The following ZFHX4 variants were observed in gnomAD, a reference collection of about 807,000 sequenced individuals.
The protein encoded by ZFHX4 is zinc finger homeobox protein 4.
In ZFHX4, 56 loss-of-function variants were observed where a neutral mutation model predicts 267.6. The observed-to-expected ratio is 0.21, with a 90% CI of 0.17 to 0.26. ZFHX4 has a LOEUF of 0.26. Ranked by LOEUF, ZFHX4 falls within the 10% of genes least tolerant of loss-of-function variation. The probability of loss-of-function intolerance (pLI) is 1.00; values close to 1 mark genes in which losing one functional copy is unlikely to be tolerated. For synonymous variants in ZFHX4, 1,778 were observed against 1,665.6 expected (o/e 1.07, Z -1.64); for missense variants, 4,332 against 4,420.0 (o/e 0.98, Z 0.56).
Position 76,707,962 on chromosome 8 carries a change from G to C in ZFHX4, c.3007G>C (p.Ala1003Pro), listed in dbSNP as rs369411377. 1.4e-5 allele frequency: 23 copies of C among 1,613,838 alleles called. No homozygotes were observed. Among genetic ancestry groups the C allele is most frequent in the Non-Finnish European group, 1.9e-5 (23 of 1,179,928 alleles). The change falls in exon 3 of 11, where the codon GCC becomes CCC. Residue 1003 changes from alanine to proline, a missense_variant. Around this residue, in one of 7 missense-constraint regions of ZFHX4, gnomAD observed 1,371 missense variants for 1,423.1 expected, o/e 0.96. Coordinates refer to ENST00000651372, the MANE Select transcript of ZFHX4 (RefSeq NM_024721.5). ...CAACCCTGTTCACCTAAAATGTAAC[G>C]CCTGTGACTATTACACCAACAGTGT... ...IGNPVHLKCN[A>P]CDYYTNSVDK...
intron 4 of ZFHX4, among the ~76,000 whole-genome samples, chr8:76,827,548 A>T (rs1811819114): frequency 6.6e-6 from 1 of 152,252 alleles, no homozygotes; most frequent in Non-Finnish European, 1.5e-5. Context: ...AATGAAATAG[A>T]TTCTTAAATG....
chr8:76,682,093 G>C (rs1178429631), intron 1 of ZFHX4, among the ~76,000 whole-genome samples: 2 of 152,106 alleles, frequency 1.3e-5, no homozygotes, highest in Admixed American at 6.5e-5. Context: ...CAACGGCGCG[G>C]GCACTGCCAG....
chr8:76,714,745 T>C (rs1028191077), intron 3 of ZFHX4, among the ~76,000 whole-genome samples: 1 of 152,198 alleles, frequency 6.6e-6, no homozygotes, highest in Non-Finnish European at 1.5e-5. Context: ...CTGTGTCCCA[T>C]TGATGTGATG....
chr8:76,732,474 AAT>A (rs1372140440), intron 3 of ZFHX4, among the ~76,000 whole-genome samples: 2 of 151,776 alleles, frequency 1.3e-5, no homozygotes, highest in African/African-American at 4.8e-5. Flanking sequence ...ACATTATTAT[AAT>A]ATATATATTA....
chr8:76,739,213 G>A (rs1342669361), intron 3 of ZFHX4, among the ~76,000 whole-genome samples: 2 of 152,072 alleles, frequency 1.3e-5, no homozygotes. Context: ...AAACTGTTAT[G>A]TTACATTTGA....
intron 3 of ZFHX4, among the ~76,000 whole-genome samples, chr8:76,730,069 T>G (rs773671946): frequency 8.5e-5 from 13 of 152,148 alleles, no homozygotes; most frequent in Non-Finnish European, 1.6e-4. Flanking sequence ...TAATATAAAG[T>G]AATTTACTTC....
chr8:76,817,880 T>G (rs779567364), intron 4 of ZFHX4, among the ~76,000 whole-genome samples: 5 of 152,212 alleles, frequency 3.3e-5, no homozygotes, highest in Non-Finnish European at 5.9e-5. Flanking sequence ...AAAAGGACCC[T>G]TCTTTAGTAT....
chr8:76,782,822 CA>C (rs561212983), intron 4 of ZFHX4, among the ~76,000 whole-genome samples: 111 of 152,116 alleles, frequency 7.3e-4, no homozygotes, highest in Non-Finnish European at 1.3e-3. Flanking sequence ...CTCTCATAAT[CA>C]TAATCGTTTT....
intron 1 of ZFHX4, among the ~76,000 whole-genome samples, chr8:76,682,857 G>A (rs1439946048): frequency 6.6e-6 from 1 of 152,020 alleles, no homozygotes; most frequent in Non-Finnish European, 1.5e-5. Context: ...ACTGGAATGC[G>A]CCGGGTCTCT....
chr8:76,769,118 A>G (rs1454962218), intron 3 of ZFHX4, among the ~76,000 whole-genome samples: 1 of 151,990 alleles, frequency 6.6e-6, no homozygotes, highest in Admixed American at 6.6e-5. Context: ...AATAAAGTAG[A>G]GGGCTTTTTA....
rs367584886 is a variant in ZFHX4 at position 76,856,165 on chromosome 8, G to A, written c.9244G>A (p.Gly3082Ser). The change falls in exon 10 of 11, where the codon GGC (glycine) becomes AGC (serine). Residue 3082 changes from glycine (G) to serine (S), a missense_variant. Physicochemically the swap from Gly to Ser is moderately conservative, Grantham distance 56. Transcript: ENST00000651372. ...DVLGLTVQQP[G>S]MMDSSSLHGI... ...GCTGGGCTTGACGGTACAGCAGCCA[G>A]GCATGATGGACAGCAGTTCTCTCCA... 2.2e-5 allele frequency: 36 copies of A among 1,613,880 alleles called. No homozygotes were observed. Among genetic ancestry groups the A allele is most frequent in the Non-Finnish European group, 2.8e-5 (33 of 1,179,878 alleles).
At chr8:76,779,030 A>G (rs1050491700) in intron 4 of ZFHX4, among the ~76,000 whole-genome samples, 8 of 152,194 alleles carry the variant, frequency 5.3e-5, no homozygotes, top group African/African-American at 1.7e-4. Context: ...CCAAAACTGA[A>G]TTAATCTCTG....
intron 4 of ZFHX4, among the ~76,000 whole-genome samples, chr8:76,803,433 A>C (rs1252415128): frequency 1.3e-5 from 2 of 152,086 alleles, no homozygotes; most frequent in African/African-American, 2.4e-5. Context: ...AAAGTAACTA[A>C]ATTTCTTTGA....
intron 4 of ZFHX4, among the ~76,000 whole-genome samples, chr8:76,797,893 T>A (rs1002003395): frequency 2.7e-5 from 4 of 146,300 alleles, no homozygotes; most frequent in Admixed American, 6.7e-5. Context: ...TGTATGTGTG[T>A]GTGTGTGTGT....
Position 76,851,170 on chromosome 8 carries a change from C to T in ZFHX4, c.4249C>T (p.Gln1417Ter). Residue 1417 changes from glutamine (Q) to a stop codon, truncating the protein, a stop_gained, in exon 10 of 11, where the codon CAG becomes TAG. Coordinates refer to ENST00000651372, the MANE Select transcript of ZFHX4 (RefSeq NM_024721.5). LOFTEE classifies it high-confidence loss of function. ...KTMQKLQIHS[Q>*]YHAIRAATMC... is the part of the protein sequence containing the mutation. ...TATGCAGAAGCTTCAGATACATTCC[C>T]AGTATCATGCAATTCGGGCTGCGAC... 6.2e-7 allele frequency: 1 copy of T among 1,613,960 alleles called. No homozygotes were observed. The highest frequency in any genetic ancestry group is 8.5e-7 in the Non-Finnish European group (1 of 1,179,886).
intron 3 of ZFHX4, among the ~76,000 whole-genome samples, chr8:76,757,024 A>G (rs1216359183): frequency 6.6e-6 from 1 of 152,158 alleles, no homozygotes; most frequent in East Asian, 1.9e-4. Context: ...GCCATATTTA[A>G]TCAATACACA....
At chr8:76,731,036 C>T (rs1388521959) in intron 3 of ZFHX4, among the ~76,000 whole-genome samples, 1 of 152,148 alleles carries the variant, frequency 6.6e-6, no homozygotes, top group Admixed American at 6.5e-5. Context: ...GGCTTCTCTC[C>T]TGGAGGCTGT....
chr8:76,710,621 ATTAT>A (rs1217181542), intron 3 of ZFHX4, among the ~76,000 whole-genome samples: 1 of 152,202 alleles, frequency 6.6e-6, no homozygotes, highest in African/African-American at 2.4e-5. Flanking sequence ...TGCATCATGA[ATTAT>A]TTAAACATTA....
At chr8:76,807,274 A>G (rs932990830) in intron 4 of ZFHX4, among the ~76,000 whole-genome samples, 19 of 152,092 alleles carry the variant, frequency 1.2e-4, no homozygotes, top group African/African-American at 3.9e-4. Flanking sequence ...GGTATAGCAG[A>G]ACCACCAAAG....
Sources: allele counts gnomAD v4.1 joint callset (sites outside exome capture counted in the v4.1 genomes callset), GRCh38; gene constraint gnomAD v4.1.1; regional missense constraint gnomAD v4.1.1; transcripts MANE v1.5; gene names NCBI Gene and HGNC (gene_info 2026-07-23, HGNC 2026-07-21).